Variants in WWOX observed in about 807,000 individuals in gnomAD.
WWOX encodes the protein WW domain containing oxidoreductase.
Under a neutral mutation model 46.2 loss-of-function variants are expected in WWOX, and 69 were observed. That is an observed-to-expected ratio of 1.49 (90% CI 1.23 to 1.82). The LOEUF (loss-of-function observed/expected upper bound fraction) is 1.82, where lower values mean the gene tolerates loss of function less well. Among genes scored for constraint, WWOX ranks in the 40% most tolerant of loss-of-function variants. WWOX has a pLI of 0.00. For synonymous variants in WWOX, 359 were observed against 202.6 expected (o/e 1.77, Z -6.56); for missense variants, 919 against 542.6 (o/e 1.69, Z -6.89).
intron 8 of WWOX, among the ~76,000 whole-genome samples, chr16:78,710,500 T>TATATATA (rs1567507587): frequency 1.8e-4 from 12 of 68,556 alleles, no homozygotes; most frequent in African/African-American, 4.4e-4. Flanking sequence ...ATATATATAT[T>TATATATA]TATATAAATA....
intron 5 of WWOX, among the ~76,000 whole-genome samples, chr16:78,233,620 G>A (rs2037343232): frequency 6.7e-6 from 1 of 149,108 alleles, no homozygotes; most frequent in African/African-American, 2.5e-5. Flanking sequence ...TCCGCCTCCC[G>A]GGTTCATGCC....
chr16:79,198,400 C>T lies in WWOX; in HGVS notation c.1057-13208C>T, dbSNP rs542017239. Among the ~76,000 whole-genome samples, 3 of 152,154 alleles carry T rather than the reference C, an allele frequency of 2.0e-5. No homozygotes were observed. In the South Asian group the frequency reaches 6.2e-4, roughly 32 times the overall value. Reference sequence around the variant, plus strand: ...AAACAAGTAAAGAAAATAAATCCTCCCGCTTTTTTTGCTCCTTCATGGGTA... The same window carrying T: ...AAACAAGTAAAGAAAATAAATCCTCTCGCTTTTTTTGCTCCTTCATGGGTA... On this transcript the variant is annotated intron_variant, in intron 8 of 8. Coordinates refer to ENST00000566780, the MANE Select transcript of WWOX (RefSeq NM_016373.4).
At chr16:79,096,395 C>T (rs969911186) in intron 8 of WWOX, among the ~76,000 whole-genome samples, 5 of 152,126 alleles carry the variant, frequency 3.3e-5, no homozygotes, top group African/African-American at 1.2e-4. Context: ...GTTCTTCCTG[C>T]CAGTGCTCTT....
intron 8 of WWOX, among the ~76,000 whole-genome samples, chr16:78,851,106 T>C: frequency 6.6e-6 from 1 of 152,210 alleles, no homozygotes; most frequent in Non-Finnish European, 1.5e-5. Flanking sequence ...AGCTTGCCTG[T>C]GGTATTTACC....
intron 8 of WWOX, among the ~76,000 whole-genome samples, chr16:78,829,808 A>G (rs1397213662): frequency 6.6e-6 from 1 of 152,192 alleles, no homozygotes; most frequent in East Asian, 1.9e-4. Context: ...TGGAACTCCT[A>G]ATTCCAGAGC....
intron 8 of WWOX, among the ~76,000 whole-genome samples, chr16:78,499,491 C>G (rs539225157): frequency 6.6e-6 from 1 of 152,160 alleles, no homozygotes; most frequent in Admixed American, 6.5e-5. Flanking sequence ...GGAGATTTTC[C>G]GTTCTTTGGC....
intron 8 of WWOX, among the ~76,000 whole-genome samples, chr16:78,592,717 G>A (rs1364984682): frequency 6.6e-6 from 1 of 152,196 alleles, no homozygotes; most frequent in Non-Finnish European, 1.5e-5. Context: ...AAACATGGTG[G>A]TAAATTCTTC....
chr16:78,831,703 G>A (rs569761521), intron 8 of WWOX, among the ~76,000 whole-genome samples: 2 of 152,164 alleles, frequency 1.3e-5, no homozygotes, highest in African/African-American at 4.8e-5. Context: ...TTTATGTAAA[G>A]CACAAAGCAT....
At chr16:78,615,203 T>A (rs539424416) in intron 8 of WWOX, among the ~76,000 whole-genome samples, 4 of 152,262 alleles carry the variant, frequency 2.6e-5, no homozygotes, top group African/African-American at 9.6e-5. Flanking sequence ...TTCTAGAAAC[T>A]CTCTGTTTTT....
intron 8 of WWOX, among the ~76,000 whole-genome samples, chr16:78,875,170 T>A (rs2044210203): frequency 6.6e-6 from 1 of 152,172 alleles, no homozygotes; most frequent in Admixed American, 6.5e-5. Flanking sequence ...GTTGCAAGAT[T>A]GCATGAGATT....
At chr16:78,579,108 C>T (rs2151585769) in intron 8 of WWOX, among the ~76,000 whole-genome samples, 1 of 152,210 alleles carries the variant, frequency 6.6e-6, no homozygotes, top group East Asian at 1.9e-4. Context: ...TCGTCTTTGG[C>T]TGTGTTTTTC....
At chr16:78,737,040 G>T (rs1243043324) in intron 8 of WWOX, among the ~76,000 whole-genome samples, 1 of 152,028 alleles carries the variant, frequency 6.6e-6, no homozygotes, top group Admixed American at 6.6e-5. Context: ...ATTACATTTA[G>T]TGGGTTATAT....
intron 8 of WWOX, among the ~76,000 whole-genome samples, chr16:79,161,744 C>T (rs375742839): frequency 1.3e-5 from 2 of 152,176 alleles, no homozygotes; most frequent in Non-Finnish European, 2.9e-5. Flanking sequence ...GTCTCAAACT[C>T]GTGACCTCAA....
At chr16:78,335,138 A>C (rs2080858372) in intron 5 of WWOX, among the ~76,000 whole-genome samples, 1 of 152,102 alleles carries the variant, frequency 6.6e-6, no homozygotes, top group Non-Finnish European at 1.5e-5. Flanking sequence ...TTTTTTCTAA[A>C]ACTTTAAGTT....
At chr16:78,478,251 G>T (rs188373876) in intron 8 of WWOX, among the ~76,000 whole-genome samples, 1 of 152,226 alleles carries the variant, frequency 6.6e-6, no homozygotes. Flanking sequence ...TGTATTTATG[G>T]CCTATTCCAT....
At chr16:78,308,796 C>T (rs1008275729) in intron 5 of WWOX, among the ~76,000 whole-genome samples, 5 of 152,234 alleles carry the variant, frequency 3.3e-5, no homozygotes, top group Admixed American at 1.3e-4. Flanking sequence ...TTATCTTAAC[C>T]CAGATAGTCC....
At position 78,555,545 on chromosome 16, in the gene WWOX, T is replaced by C. The variant is rs1027137196; in HGVS notation, c.1056+122793T>C. 2.9e-4 allele frequency among the ~76,000 whole-genome samples: 44 copies of C among 151,846 alleles called. 1 individual carries two copies. Among genetic ancestry groups the C allele is most frequent in the African/African-American group, 1.0e-3 (43 of 41,334 alleles). On this transcript the variant is annotated intron_variant, in intron 8 of 8. Transcript: ENST00000566780. ...TCTGTGAGTATTCATCAAGGTAATA[T>C]ATGCAGGCCAGTACCACATTCCCCA...
Position 78,968,516 on chromosome 16 carries a change from C to G in WWOX, c.1057-243092C>G, listed in dbSNP as rs967567635. On this transcript the variant is annotated intron_variant, in intron 8 of 8. Coordinates refer to ENST00000566780, the MANE Select transcript of WWOX (RefSeq NM_016373.4). ...AATTATGTTTCATTGTTAACCATCACAAGCAACGGGACATTATGATGACTG... is the reference window on the plus strand; with the variant it reads ...AATTATGTTTCATTGTTAACCATCAGAAGCAACGGGACATTATGATGACTG... Among the ~76,000 whole-genome samples the G allele has an allele frequency of 3.3e-5, 5 of 152,170 alleles. No homozygotes were observed. In the South Asian group the frequency reaches 1.0e-3, roughly 32 times the overall value.
At chr16:78,590,952 A>G (rs1325156591) in intron 8 of WWOX, among the ~76,000 whole-genome samples, 1 of 152,132 alleles carries the variant, frequency 6.6e-6, no homozygotes, top group Non-Finnish European at 1.5e-5. Context: ...GAGGAGTAAT[A>G]TGGCACCTCC....
Sources: gnomAD v4.1 joint callset for allele counts (sites outside exome capture counted in the v4.1 genomes callset) on GRCh38, gnomAD v4.1.1 for gene constraint, MANE v1.5 for transcripts, NCBI Gene and HGNC (gene_info 2026-07-23, HGNC 2026-07-21) for gene names.